PPP1R10: variants seen among roughly 807,000 people sequenced by gnomAD.
The protein encoded by PPP1R10 is protein phosphatase 1 regulatory subunit 10.
Under a neutral mutation model 99.0 loss-of-function variants are expected in PPP1R10, and 15 were observed. The observed-to-expected ratio is 0.15, with a 90% confidence interval of 0.10 to 0.23. PPP1R10 has a LOEUF of 0.23. Ranked by LOEUF, PPP1R10 falls within the 10% of genes least tolerant of loss-of-function variation. The pLI, the probability that PPP1R10 is intolerant of heterozygous loss-of-function variation, is 1.00. For synonymous variants in PPP1R10, 430 were observed against 449.5 expected (o/e 0.96, Z 0.55); for missense variants, 947 against 1,259.4 (o/e 0.75, Z 3.75).
At chr6:30,605,132 C>A (rs1262378064) in intron 10 of PPP1R10, 38 bp from the exon 11 acceptor site, 20 of 1,570,330 alleles carry the variant, frequency 1.3e-5, no homozygotes, top group South Asian at 1.1e-5. Context: ...ATCATCAGAC[C>A]TCCTTCATAA....
chr6:30,602,870 G>C lies in PPP1R10; in HGVS notation c.1933C>G (p.Pro645Ala), dbSNP rs1422930365. Residue 645 changes from proline to alanine, a missense_variant, in exon 18 of 20, where the codon CCT becomes GCT. Around this residue, in one of 10 missense-constraint regions of PPP1R10, gnomAD observed 525 missense variants for 578.8 expected, o/e 0.91. Transcript: ENST00000376511. The surrounding 1 kb of genome is among the most constrained non-coding windows in gnomAD (Gnocchi z 6.7). ...CCTGGCATAGGTCCCCCAGGTCCAGGGGGAAAGTGCTGCATGCCCTTGGGG... is the reference window on the plus strand; with the variant it reads ...CCTGGCATAGGTCCCCCAGGTCCAGCGGGAAAGTGCTGCATGCCCTTGGGG... ...GGPKGMQHFP[P>A]GPGGPMPGPH... 1 of 1,555,926 alleles carries C rather than the reference G, an allele frequency of 6.4e-7. No individual in the cohort carries two copies. Among genetic ancestry groups the C allele is most frequent in the African/African-American group, 1.4e-5 (1 of 73,372 alleles).
chr6:30,603,011 T>A, intron 17 of PPP1R10, 52 bp from the exon 18 acceptor site: 2 of 1,464,846 alleles, frequency 1.4e-6, no homozygotes, highest in Non-Finnish European at 1.8e-6. Flanking sequence ...AAGACTAGCA[T>A]GATCTCCCAT....
In PPP1R10 at chr6:30,606,289, C is replaced by A; in HGVS notation, c.635-46G>T. ...TGGGCAGCTGAACTCAAACCCCAGA[C>A]CCCCGAATTTTCCTCCCGTTCTCAC... On this transcript the variant is annotated intron_variant, in intron 8 of 19. Transcript: ENST00000376511. This position sits in a 1 kb window ranked among gnomAD's most constrained non-coding sequence, Gnocchi z 6.3. 6.2e-7 allele frequency: 1 copy of A among 1,602,516 alleles called. No homozygotes were observed. The highest frequency in any genetic ancestry group is 1.1e-5 in the South Asian group (1 of 90,578).
chr6:30,610,857 A>G (rs1265389022), intron 2 of PPP1R10, among the ~76,000 whole-genome samples: 1 of 152,238 alleles, frequency 6.6e-6, no homozygotes, highest in Non-Finnish European at 1.5e-5. Context: ...CCTTTTAAGC[A>G]GCTGTTTTAG....
In PPP1R10 at chr6:30,603,892, T is replaced by C; in HGVS notation, c.1509-49A>G. Reference sequence around the variant, plus strand: ...AGAAAAAAGAATGATAGTCAAGTTATTAATTCAGACCCTGAAAGTAATTTC... The same window carrying C: ...AGAAAAAAGAATGATAGTCAAGTTACTAATTCAGACCCTGAAAGTAATTTC... On this transcript the variant is annotated intron_variant, in intron 14 of 19. Coordinates refer to ENST00000376511, the MANE Select transcript of PPP1R10 (RefSeq NM_002714.4). The C allele has an allele frequency of 3.3e-6, 5 of 1,522,812 alleles. No homozygotes were observed. In the South Asian group the frequency reaches 5.3e-5, roughly 16 times the overall value. 94.3% of individuals were successfully genotyped at this position (1,522,812 alleles called of 1,614,324 possible).
At chr6:30,607,369 A>G (rs536453260) in intron 6 of PPP1R10, among the ~76,000 whole-genome samples, 1 of 152,324 alleles carries the variant, frequency 6.6e-6, no homozygotes, top group African/African-American at 2.4e-5. Flanking sequence ...ACAAGAATAA[A>G]ATTTGTTTCT....
chr6:30,607,348 T>C (rs979133811), intron 6 of PPP1R10, among the ~76,000 whole-genome samples: 63 of 152,370 alleles, frequency 4.1e-4, no homozygotes, highest in African/African-American at 1.4e-3. Context: ...TTTTCCTTTA[T>C]AGATGTGAAA....
chr6:30,604,123 G>A lies in PPP1R10; in HGVS notation c.1393C>T (p.Arg465Trp), dbSNP rs771180085. The A allele has an allele frequency of 8.1e-6, 13 of 1,613,880 alleles. No homozygotes were observed. The highest frequency in any genetic ancestry group is 2.2e-5 in the East Asian group (1 of 44,870). Reference sequence around the variant, plus strand: ...AGAGGTGAGGGCAGAACCAGGGGCCGGGGGCACACCCAGGGCACCTTCTCC... The same window carrying A: ...AGAGGTGAGGGCAGAACCAGGGGCCAGGGGCACACCCAGGGCACCTTCTCC... ...MEEKVPWVCPRPLVLPSPLVT... is the reference protein window; with the variant it reads ...MEEKVPWVCPWPLVLPSPLVT... The change falls in exon 14 of 20, where the codon CGG (arginine) becomes TGG (tryptophan). Residue 465 changes from arginine (R) to tryptophan (W), a missense_variant. Arg to Trp is a moderately radical substitution (Grantham distance 101). Around this residue, in one of 10 missense-constraint regions of PPP1R10, gnomAD observed 50 missense variants for 78.6 expected, o/e 0.64. Transcript: ENST00000376511. This position sits in a 1 kb window ranked among gnomAD's most constrained non-coding sequence, Gnocchi z 7.3.
chr6:30,605,362 A>C (rs7742291), intron 10 of PPP1R10, among the ~76,000 whole-genome samples: 6,738 of 152,234 alleles, frequency 0.044, 270 homozygotes, highest in African/African-American at 0.11. Flanking sequence ...TGAACATGAC[A>C]GATCACCTTA....
Position 30,604,144 on chromosome 6 carries a change from TCTC to T in PPP1R10, c.1369_1371del (p.Glu457del). ...GGCCGGGGGCACACCCAGGGCACCT[TCTC>T]CTCCATGTTATCATGGCTCAGACGC... is the stretch of plus-strand genomic sequence containing the variant. On this transcript the variant is annotated inframe_deletion, in exon 14 of 20. Transcript: ENST00000376511. The surrounding 1 kb of genome is among the most constrained non-coding windows in gnomAD (Gnocchi z 7.3). The T allele has an allele frequency of 6.2e-7, 1 of 1,614,050 alleles. No homozygotes were observed. The highest frequency in any genetic ancestry group is 8.5e-7 in the Non-Finnish European group (1 of 1,179,994).
rs759255971 is a variant in PPP1R10, at chr6:30,603,666, C to G, written c.1573G>C (p.Glu525Gln). 6.3e-7 allele frequency: 1 copy of G among 1,578,722 alleles called. No homozygotes were observed. The highest frequency in any genetic ancestry group is 8.6e-7 in the Non-Finnish European group (1 of 1,164,898). The part of the protein sequence containing the change: ...IPPKLIPLDE[E>Q]CSMDETPYVE... ...TACGGAGTCTCATCCATGGAACACT[C>G]CTGAAAGAAGAACAAAAAAAATCAG... The change falls in exon 16 of 20, where the codon GAG (glutamate) becomes CAG (glutamine). Residue 525 changes from glutamate to glutamine, a missense_variant and splice_region_variant. Glu to Gln is a conservative substitution (Grantham distance 29, BLOSUM62 2). This residue lies in a region of PPP1R10 where 525 missense variants were observed against 578.8 expected (regional missense o/e 0.91). Coordinates refer to ENST00000376511, the MANE Select transcript of PPP1R10 (RefSeq NM_002714.4).
Position 30,601,535 on chromosome 6 carries a change from C to A in PPP1R10, c.*14G>T. 1 of 1,609,070 alleles carries A rather than the reference C, an allele frequency of 6.2e-7. No individual in the cohort carries two copies. Among genetic ancestry groups the A allele is most frequent in the African/African-American group, 1.3e-5 (1 of 74,926 alleles). ...GTCCACAGGGGTTGTGTGAACAGGGCAGGCAAATGGTCCCTAGGGCAGGGG... is the reference window on the plus strand; with the variant it reads ...GTCCACAGGGGTTGTGTGAACAGGGAAGGCAAATGGTCCCTAGGGCAGGGG... On this transcript the variant is annotated 3_prime_UTR_variant, in exon 20 of 20. Coordinates refer to ENST00000376511, the MANE Select transcript of PPP1R10 (RefSeq NM_002714.4).
chr6:30,606,964 A>T lies in PPP1R10; in HGVS notation c.383-108T>A, dbSNP rs1804016904. On this transcript the variant is annotated intron_variant, in intron 6 of 19. Coordinates refer to ENST00000376511, the MANE Select transcript of PPP1R10 (RefSeq NM_002714.4). The surrounding 1 kb of genome is among the most constrained non-coding windows in gnomAD (Gnocchi z 6.3). Reference sequence around the variant, plus strand: ...TATTGTGAAAATTTATGTAACGGAGAAAGTAACCCAAAGTTTTAAGAAGAA... The same window carrying T: ...TATTGTGAAAATTTATGTAACGGAGTAAGTAACCCAAAGTTTTAAGAAGAA... The T allele has an allele frequency of 1.0e-6, 1 of 958,840 alleles. No individual in the cohort carries two copies. Among genetic ancestry groups the T allele is most frequent in the Non-Finnish European group, 1.6e-6 (1 of 626,408 alleles). The allele number at this position is 958,840 out of a possible 1,614,324, so 59.4% of individuals were successfully genotyped here.
intron 2 of PPP1R10, among the ~76,000 whole-genome samples, chr6:30,612,407 T>C (rs1311823132): frequency 4.6e-5 from 7 of 152,136 alleles, no homozygotes; most frequent in Non-Finnish European, 8.8e-5. Context: ...CTTAGAAAAA[T>C]GGACCAATGA....
chr6:30,604,282 G>A lies in PPP1R10; in HGVS notation c.1262-28C>T. The A allele has an allele frequency of 6.2e-7, 1 of 1,613,772 alleles. No homozygotes were observed. The highest frequency in any genetic ancestry group is 2.2e-5 in the East Asian group (1 of 44,868). Reference sequence around the variant, plus strand: ...GTCGGCAGGGGAAGAAAAGCAAGAGGGAAAGTAAGCACAACCAAGTCCTTT... The same window carrying A: ...GTCGGCAGGGGAAGAAAAGCAAGAGAGAAAGTAAGCACAACCAAGTCCTTT... On this transcript the variant is annotated intron_variant, in intron 13 of 19. Coordinates refer to ENST00000376511, the MANE Select transcript of PPP1R10 (RefSeq NM_002714.4). This position sits in a 1 kb window ranked among gnomAD's most constrained non-coding sequence, Gnocchi z 7.3.
At position 30,602,395 on chromosome 6, in the gene PPP1R10, G is replaced by C; in HGVS notation, c.2254C>G (p.Arg752Gly). ...GGGMVGGGGH[R>G]PHEGPGGGMG... is the part of the protein sequence containing the mutation. Reference sequence around the variant, plus strand: ...CCCCCACCAGGGCCTTCGTGAGGACGATGCCCACCACCTCCAACCATGCCC... The same window carrying C: ...CCCCCACCAGGGCCTTCGTGAGGACCATGCCCACCACCTCCAACCATGCCC... Residue 752 changes from arginine to glycine, a missense_variant, in exon 19 of 20, where the codon CGT (arginine) becomes GGT (glycine). By Grantham distance (125) the Arg-to-Gly change is moderately radical. Around this residue, in one of 10 missense-constraint regions of PPP1R10, gnomAD observed 525 missense variants for 578.8 expected, o/e 0.91. Coordinates refer to ENST00000376511, the MANE Select transcript of PPP1R10 (RefSeq NM_002714.4). This position sits in a 1 kb window ranked among gnomAD's most constrained non-coding sequence, Gnocchi z 6.7. 6.2e-7 allele frequency: 1 copy of C among 1,611,262 alleles called. No homozygotes were observed. Among genetic ancestry groups the C allele is most frequent in the Non-Finnish European group, 8.5e-7 (1 of 1,179,426 alleles).
rs370746652 is a variant in PPP1R10 at position 30,602,920 on chromosome 6, C to T, written c.1883G>A (p.Gly628Asp). 6.4e-7 allele frequency: 1 copy of T among 1,555,230 alleles called. No homozygotes were observed. Among genetic ancestry groups the T allele is most frequent in the South Asian group, 1.2e-5 (1 of 84,546 alleles). Reference sequence around the variant, plus strand: ...GCCCCCAGGACCCCCTGGTGGGAAACCATTGGCTATTGGGCCAGGGCCTAG... The same window carrying T: ...GCCCCCAGGACCCCCTGGTGGGAAATCATTGGCTATTGGGCCAGGGCCTAG... ...GLLGPGPIANGFPPGGPGGPK... is the reference protein window; with the variant it reads ...GLLGPGPIANDFPPGGPGGPK... Residue 628 changes from glycine (G) to aspartate (D), a missense_variant, in exon 18 of 20, where the codon GGT (glycine) becomes GAT (aspartate). Transcript: ENST00000376511. The surrounding 1 kb of genome is among the most constrained non-coding windows in gnomAD (Gnocchi z 6.7).
At position 30,606,015 on chromosome 6, in the gene PPP1R10, T is replaced by C; in HGVS notation, c.761A>G (p.Asp254Gly). Residue 254 changes from aspartate (D) to glycine (G), a missense_variant, in exon 10 of 20, where the codon GAT becomes GGT. Coordinates refer to ENST00000376511, the MANE Select transcript of PPP1R10 (RefSeq NM_002714.4). This position sits in a 1 kb window ranked among gnomAD's most constrained non-coding sequence, Gnocchi z 6.3. ...TTTCTTCTCTGCAGGGGGAGTGGCA[T>C]CTCCTGGAGCAGCTACGTTGCTGTC... ...KRQSNVAAPG[D>G]ATPPAEKKYK... 1 of 1,614,000 alleles carries C rather than the reference T, an allele frequency of 6.2e-7. No individual in the cohort carries two copies. The highest frequency in any genetic ancestry group is 8.5e-7 in the Non-Finnish European group (1 of 1,179,958).
chr6:30,612,702 TCTTATAAC>T (rs964780289), intron 2 of PPP1R10, among the ~76,000 whole-genome samples: 2 of 152,138 alleles, frequency 1.3e-5, no homozygotes, highest in African/African-American at 4.8e-5. Flanking sequence ...ACCCCAAGTG[TCTTATAAC>T]CTAGTTTCCT....
Sources: gnomAD v4.1 joint callset for allele counts (sites outside exome capture counted in the v4.1 genomes callset) on GRCh38, gnomAD v4.1.1 for gene constraint, gnomAD v4.1.1 regional missense constraint, Gnocchi (gnomAD v3.1) non-coding constraint, MANE v1.5 for transcripts, NCBI Gene and HGNC (gene_info 2026-07-23, HGNC 2026-07-21) for gene names.